GPR108: variants seen among roughly 807,000 people sequenced by gnomAD.
GPR108 encodes the protein G protein-coupled receptor 108.
A neutral mutation model predicts 74.3 loss-of-function variants in GPR108; 60 were observed. The ratio of observed to expected loss-of-function variants is 0.81; its 90% CI spans 0.66 to 1.00. The LOEUF (loss-of-function observed/expected upper bound fraction) is 1.00, where lower values mean the gene tolerates loss of function less well. GPR108 is among the 50% of genes least tolerant of loss of function. The pLI, the probability that GPR108 is intolerant of heterozygous loss-of-function variation, is 0.00. For missense variants in GPR108, 667 were observed against 703.3 expected (o/e 0.95, Z 0.58); for synonymous variants, 311 against 292.4 (o/e 1.06, Z -0.65).
At chr19:6,735,855 C>T in intron 3 of GPR108, 53 bp downstream of exon 3, 1 of 1,579,826 alleles carries the variant, frequency 6.3e-7, no homozygotes, top group Non-Finnish European at 8.6e-7. Flanking sequence ...GAGGACAGAC[C>T]CTACCCCCTC....
At chr19:6,731,842 G>A (rs369545261) in intron 14 of GPR108, 49 bp downstream of exon 14, 67 of 1,601,720 alleles carry the variant, frequency 4.2e-5, no homozygotes, top group Non-Finnish European at 5.6e-5. Flanking sequence ...GAAGGGCCCG[G>A]AGGAGGAATG....
chr19:6,737,480 GC>G lies in GPR108; in HGVS notation c.96del (p.Arg33AlafsTer7). The G allele has an allele frequency of 6.3e-7, 1 of 1,586,360 alleles. No homozygotes were observed. The highest frequency in any genetic ancestry group is 8.5e-7 in the Non-Finnish European group (1 of 1,174,338). On this transcript the variant is annotated frameshift_variant, in exon 1 of 18. Coordinates refer to ENST00000264080, the MANE Select transcript of GPR108 (RefSeq NM_001080452.2). LOFTEE classifies it high-confidence loss of function. ...ACCGTCAGCGCCAGCTGGTGGATGC[GC>G]CCGGAGCAGCCACCCAGCAGCAGCA... is the stretch of plus-strand genomic sequence containing the variant. ...LLVLLLGGCS[G>X]RIHQLALTGE...
At chr19:6,733,379 C>G in intron 8 of GPR108, 78 bp from the exon 9 acceptor site, 1 of 1,467,654 alleles carries the variant, frequency 6.8e-7, no homozygotes, top group Non-Finnish European at 9.3e-7. Flanking sequence ...GTGGGGGTCT[C>G]CAGCTCTCTC....
At chr19:6,731,649 G>C in intron 14 of GPR108, 127 bp from the exon 15 acceptor site, 1 of 903,116 alleles carries the variant, frequency 1.1e-6, no homozygotes, top group East Asian at 2.7e-5. Context: ...AAGTCTCGAG[G>C]GGACATTAGG....
chr19:6,736,547 G>A (rs1454754171), intron 2 of GPR108, 45 bp downstream of exon 2: 3 of 1,582,868 alleles, frequency 1.9e-6, no homozygotes, highest in Non-Finnish European at 1.7e-6. Context: ...AGAACCGGGG[G>A]ATTGCACCGT....
rs773783600 is a variant in GPR108, at chr19:6,737,568, C to G, written c.9G>C (p.Val3=). Residue 3 remains valine (V), a synonymous_variant, in exon 1 of 18, where the codon GTG becomes GTC. Coordinates refer to ENST00000264080, the MANE Select transcript of GPR108 (RefSeq NM_001080452.2). MA[V]SERRGLGRGS... Reference sequence around the variant, plus strand: ...CGCGGCCGAGCCCCCTCCTCTCGCTCACTGCCATCTCTGGAGCCACCTCCT... The same window carrying G: ...CGCGGCCGAGCCCCCTCCTCTCGCTGACTGCCATCTCTGGAGCCACCTCCT... The G allele has an allele frequency of 6.0e-6, 9 of 1,510,110 alleles. No individual in the cohort carries two copies. Among genetic ancestry groups the G allele is most frequent in the Non-Finnish European group, 6.2e-6 (7 of 1,135,378 alleles). The allele number at this position is 1,510,110 out of a possible 1,614,324, so 93.5% of individuals were successfully genotyped here.
In GPR108 at chr19:6,733,912, C is replaced by A. The variant is rs192687316; in HGVS notation, c.551G>T (p.Gly184Val). The A allele has an allele frequency of 5.6e-4, 897 of 1,614,190 alleles. 6 individuals are homozygous for A. The Middle Eastern group carries it at 6.4e-3, about 12-fold the overall frequency. ...CAGGTCCTTGTCCTTCCCACTAGGACCCTGAAGGGACAGAGCCCCTCCATC... is the reference window on the plus strand; with the variant it reads ...CAGGTCCTTGTCCTTCCCACTAGGAACCTGAAGGGACAGAGCCCCTCCATC... ...KPKSTPAVIQ[G>V]PSGKDKDLVL... The change falls in exon 7 of 18, where the codon GGT becomes GTT. Residue 184 changes from glycine (G) to valine (V), a missense_variant and splice_region_variant. By Grantham distance (109) the Gly-to-Val change is moderately radical. Transcript: ENST00000264080.
chr19:6,732,444 C>G (rs772863962), intron 11 of GPR108, 32 bp downstream of exon 11: 13 of 1,612,904 alleles, frequency 8.1e-6, no homozygotes, highest in South Asian at 3.3e-5. Flanking sequence ...CCTGCCTCCC[C>G]CCAGCTGCCC....
At chr19:6,730,914 CCCTGCCCGTAGAGCTG>C in intron 17 of GPR108, 57 bp downstream of exon 17, 2 of 1,253,942 alleles carry the variant, frequency 1.6e-6, no homozygotes, top group Non-Finnish European at 2.3e-6. Context: ...CCCCTGCCCA[CCCTGCCCGTAGAGCTG>C]CCCACCCCCT....
chr19:6,737,291 G>T, intron 1 of GPR108, 166 bp downstream of exon 1: 2 of 897,874 alleles, frequency 2.2e-6, no homozygotes, highest in Non-Finnish European at 3.2e-6. Context: ...CCGGAGGACC[G>T]AAGGGGATCC....
At chr19:6,733,147 C>T (rs1268475552) in intron 9 of GPR108, 21 bp downstream of exon 9, 1 of 1,613,822 alleles carries the variant, frequency 6.2e-7, no homozygotes, top group Non-Finnish European at 8.5e-7. Flanking sequence ...CGTGGGGGAC[C>T]CTCAGGGGCA....
intron 1 of GPR108, 198 bp downstream of exon 1, chr19:6,737,259 G>A: frequency 1.5e-6 from 1 of 646,528 alleles, no homozygotes; most frequent in Non-Finnish European, 2.5e-6. Flanking sequence ...CGACCCCAGC[G>A]AGGCGGACCC....
At chr19:6,731,137 GT>G (rs1416886759) in intron 16 of GPR108, 26 bp from the exon 17 acceptor site, 1 of 1,611,614 alleles carries the variant, frequency 6.2e-7, no homozygotes, top group Non-Finnish European at 8.5e-7. Flanking sequence ...GAGTGGGGGC[GT>G]CAGGCGCACC....
Position 6,731,876 on chromosome 19 carries a change from G to T in GPR108, c.1300+15C>A. 1 of 1,611,276 alleles carries T rather than the reference G, an allele frequency of 6.2e-7. No individual in the cohort carries two copies. Among genetic ancestry groups the T allele is most frequent in the Non-Finnish European group, 8.5e-7 (1 of 1,179,246 alleles). On this transcript the variant is annotated intron_variant, in intron 14 of 17. Transcript: ENST00000264080. The stretch of plus-strand genomic sequence containing the variant: ...TGGGGCCATGAGCAGAGGGCCTGCA[G>T]GCGCAGGGCCTCACCCTTCCCGTCT...
At chr19:6,730,871 T>G (rs1968364794) in intron 17 of GPR108, 116 bp downstream of exon 17, 1 of 1,143,804 alleles carries the variant, frequency 8.7e-7, no homozygotes, top group Non-Finnish European at 1.2e-6. Context: ...GGCTCTGCCC[T>G]AACACTGCCC....
Position 6,733,645 on chromosome 19 carries a change from T to G in GPR108, c.648A>C (p.Glu216Asp). 6.2e-7 allele frequency: 1 copy of G among 1,614,182 alleles called. No homozygotes were observed. Among genetic ancestry groups the G allele is most frequent in the Non-Finnish European group, 8.5e-7 (1 of 1,180,022 alleles). Residue 216 changes from glutamate (E) to aspartate (D), a missense_variant, in exon 8 of 18, where the codon GAA becomes GAC. Glu to Asp is a conservative substitution (Grantham distance 45). Transcript: ENST00000264080. ...SFHVVIGSQA[E>D]EGQYSLNFHN... ...GGAAGTTCAGGCTGTACTGGCCTTCTTCCGCCTGAGAGCCGATCACCACGT... is the reference window on the plus strand; with the variant it reads ...GGAAGTTCAGGCTGTACTGGCCTTCGTCCGCCTGAGAGCCGATCACCACGT...
chr19:6,732,200 C>A (rs1968440289), intron 12 of GPR108, 45 bp from the exon 13 acceptor site: 1 of 1,612,388 alleles, frequency 6.2e-7, no homozygotes. Context: ...GGCACGCTCC[C>A]CTTTGCCCCC....
At chr19:6,736,039 C>T (rs1048445285) in intron 2 of GPR108, 81 bp from the exon 3 acceptor site, 2 of 1,267,102 alleles carry the variant, frequency 1.6e-6, no homozygotes, top group African/African-American at 3.0e-5. Context: ...CAATAGAAAC[C>T]TAACCTCACA....
In GPR108 at chr19:6,732,256, T is replaced by C; in HGVS notation, c.1125+7A>G. 1.2e-6 allele frequency: 2 copies of C among 1,612,004 alleles called. No homozygotes were observed. The highest frequency in any genetic ancestry group is 8.5e-7 in the Non-Finnish European group (1 of 1,179,932). On this transcript the variant is annotated splice_region_variant and intron_variant, in intron 12 of 17. Transcript: ENST00000264080. ...CCGCCCTGCTCCGGAGGCTGCTCCA[T>C]CCGCACCTGCATGGGGATCACGATC...
Sources: allele counts gnomAD v4.1 joint callset, GRCh38; gene constraint gnomAD v4.1.1; transcripts MANE v1.5; gene names NCBI Gene and HGNC (gene_info 2026-07-23, HGNC 2026-07-21).